Variants in DENND5B observed in about 807,000 individuals in gnomAD.
DENND5B encodes the protein DENN domain containing 5B, also known as DENN domain-containing protein 5B.
A neutral mutation model predicts 140.6 loss-of-function variants in DENND5B; 34 were observed. The ratio of observed to expected loss-of-function variants is 0.24; its 90% CI spans 0.18 to 0.32. The LOEUF (loss-of-function observed/expected upper bound fraction) is 0.32, where lower values mean the gene tolerates loss of function less well. Ranked by LOEUF, DENND5B falls within the 10% of genes least tolerant of loss-of-function variation. DENND5B has a pLI of 1.00. For missense variants in DENND5B, 1,142 were observed against 1,560.2 expected, an observed-to-expected ratio of 0.73 and a Z score of 4.52; for synonymous variants, 551 against 562.1, an observed-to-expected ratio of 0.98 and a Z score of 0.28.
chr12:31,501,241 T>C (rs1384499038), intron 1 of DENND5B, among the ~76,000 whole-genome samples: 6 of 152,172 alleles, frequency 3.9e-5, no homozygotes, highest in African/African-American at 1.4e-4. Flanking sequence ...CAAAATCTGA[T>C]GGTTTTATAA....
At chr12:31,423,869 C>T (rs925811036) in intron 10 of DENND5B, among the ~76,000 whole-genome samples, 194 bp from the exon 11 acceptor site, 2 of 152,172 alleles carry the variant, frequency 1.3e-5, no homozygotes, top group African/African-American at 4.8e-5. Context: ...GACAAGACTA[C>T]CAAGAGCCTG....
At chr12:31,481,273 T>C (rs1221856182) in intron 2 of DENND5B, among the ~76,000 whole-genome samples, 1 of 152,202 alleles carries the variant, frequency 6.6e-6, no homozygotes, top group African/African-American at 2.4e-5. Flanking sequence ...GAAAATACAA[T>C]TCCTTTATTT....
intron 3 of DENND5B, among the ~76,000 whole-genome samples, chr12:31,470,736 T>C (rs1945519713): frequency 6.6e-6 from 1 of 152,222 alleles, no homozygotes; most frequent in Non-Finnish European, 1.5e-5. Context: ...ATCCAGTTGG[T>C]ATCACAAATT....
chr12:31,509,616 C>G (rs1195934421), intron 1 of DENND5B, among the ~76,000 whole-genome samples: 1 of 152,018 alleles, frequency 6.6e-6, no homozygotes, highest in Non-Finnish European at 1.5e-5. Context: ...GTTTATTATG[C>G]AACAATAAAT....
At chr12:31,454,807 A>C in intron 4 of DENND5B, among the ~76,000 whole-genome samples, 1 of 132,104 alleles carries the variant, frequency 7.6e-6, no homozygotes, top group Non-Finnish European at 1.6e-5. Flanking sequence ...TGGATGATTC[A>C]GTATCTTTTT....
Position 31,433,217 on chromosome 12 carries a change from G to A in DENND5B, c.2044C>T (p.Arg682Cys), listed in dbSNP as rs748678281. 6.8e-6 allele frequency: 11 copies of A among 1,613,584 alleles called. No individual in the cohort carries two copies. Among genetic ancestry groups the A allele is most frequent in the Admixed American group, 3.3e-5 (2 of 59,934 alleles). Residue 682 changes from arginine (R) to cysteine (C), a missense_variant, in exon 8 of 21, where the codon CGC becomes TGC. Physicochemically the swap from Arg to Cys is radical, Grantham distance 180. Coordinates refer to ENST00000389082, the MANE Select transcript of DENND5B (RefSeq NM_144973.4). ...RWVSRSATAQ[R>C]RKERLRQHSE... ...TGCTGGCGAAGGCGTTCTTTCCTGC[G>A]CTGTGCAGTGGCACTCCGACTTACC...
intron 13 of DENND5B, 34 bp downstream of exon 13, chr12:31,413,402 T>C: frequency 3.8e-6 from 6 of 1,597,966 alleles, no homozygotes; most frequent in Non-Finnish European, 4.3e-6. Flanking sequence ...ACATGGATTA[T>C]AGAAACAGAA....
intron 7 of DENND5B, 73 bp downstream of exon 7, chr12:31,442,701 TC>T: frequency 6.7e-7 from 1 of 1,488,818 alleles, no homozygotes; most frequent in Admixed American, 2.1e-5. Context: ...TTAAGCATTG[TC>T]CATTTGAGTT....
At chr12:31,433,838 G>A (rs1164656162) in intron 7 of DENND5B, among the ~76,000 whole-genome samples, 1 of 20,910 alleles carries the variant, frequency 4.8e-5, no homozygotes, top group Non-Finnish European at 3.5e-4. Context: ...AGGCAACATA[G>A]TGAGACTGTC....
intron 1 of DENND5B, among the ~76,000 whole-genome samples, chr12:31,555,203 T>C (rs2139281524): frequency 6.6e-6 from 1 of 152,316 alleles, no homozygotes; most frequent in East Asian, 1.9e-4. Flanking sequence ...CTTTGGACTT[T>C]GATGATGGTG....
chr12:31,469,873 T>C (rs1320384505), intron 3 of DENND5B, among the ~76,000 whole-genome samples: 1 of 152,122 alleles, frequency 6.6e-6, no homozygotes, highest in East Asian at 1.9e-4. Flanking sequence ...CTTCACCTCC[T>C]GCCATGAGTA....
intron 17 of DENND5B, among the ~76,000 whole-genome samples, chr12:31,393,996 T>C (rs1436934179): frequency 6.7e-6 from 1 of 149,486 alleles, no homozygotes; most frequent in Admixed American, 6.6e-5. Context: ...GGCTAACGTT[T>C]CTTTCAGTAA....
At chr12:31,574,290 A>AT (rs1431322468) in intron 1 of DENND5B, among the ~76,000 whole-genome samples, 84 of 145,524 alleles carry the variant, frequency 5.8e-4, no homozygotes, top group African/African-American at 1.9e-3. Context: ...AATAATAATA[A>AT]TAATAATTTA....
chr12:31,534,428 C>T (rs539259896), intron 1 of DENND5B, among the ~76,000 whole-genome samples: 13 of 152,122 alleles, frequency 8.5e-5, no homozygotes, highest in Non-Finnish European at 1.8e-4. Context: ...GATCTGCCTG[C>T]CTCGGCCTCC....
At chr12:31,426,605 TAAC>T (rs1459057006) in intron 8 of DENND5B, 181 bp from the exon 9 acceptor site, 1 of 559,142 alleles carries the variant, frequency 1.8e-6, no homozygotes, top group African/African-American at 1.9e-5. Flanking sequence ...TGCCACCCCA[TAAC>T]AACTGTTAAC....
chr12:31,581,008 G>A (rs1031512685), intron 1 of DENND5B, among the ~76,000 whole-genome samples: 1 of 152,182 alleles, frequency 6.6e-6, no homozygotes, highest in Non-Finnish European at 1.5e-5. Flanking sequence ...GGGAGGCTGA[G>A]GTAGGAGGAT....
intron 1 of DENND5B, among the ~76,000 whole-genome samples, chr12:31,574,837 A>G (rs1263721440): frequency 6.6e-6 from 1 of 152,236 alleles, no homozygotes; most frequent in Non-Finnish European, 1.5e-5. Flanking sequence ...CAGCTTTCAC[A>G]TATTTAATTA....
At chr12:31,511,746 T>A (rs958791104) in intron 1 of DENND5B, among the ~76,000 whole-genome samples, 6 of 152,060 alleles carry the variant, frequency 3.9e-5, no homozygotes, top group Non-Finnish European at 8.8e-5. Flanking sequence ...AAAATGTTCG[T>A]TGAGTAAATG....
rs549705674 is a variant in DENND5B, at chr12:31,564,674, C to T, written c.127+26032G>A. ...CGAGATCTCTGCTCACTGCAACCTCCAACTCCCAGGCTCAAGTGATCCTCC... is the reference window on the plus strand; with the variant it reads ...CGAGATCTCTGCTCACTGCAACCTCTAACTCCCAGGCTCAAGTGATCCTCC... On this transcript the variant is annotated intron_variant, in intron 1 of 20. Transcript: ENST00000389082. Among the ~76,000 whole-genome samples, 6 of 151,700 alleles carry T rather than the reference C, an allele frequency of 4.0e-5. No homozygotes were observed. In the East Asian group the frequency reaches 1.2e-3, roughly 29 times the overall value.
Sources: allele counts gnomAD v4.1 joint callset (sites outside exome capture counted in the v4.1 genomes callset), GRCh38; gene constraint gnomAD v4.1.1; transcripts MANE v1.5; gene names NCBI Gene and HGNC (gene_info 2026-07-23, HGNC 2026-07-21).